Variants in RASSF5 observed in about 807,000 individuals in gnomAD.
The protein encoded by RASSF5 is Ras association domain family member 5.
A neutral mutation model predicts 40.5 loss-of-function variants in RASSF5; 25 were observed. That is an observed-to-expected ratio of 0.62 (90% CI 0.45 to 0.86). The LOEUF is 0.86. RASSF5 is among the 40% of genes least tolerant of loss of function. The pLI, the probability that RASSF5 is intolerant of heterozygous loss-of-function variation, is 0.00. For synonymous variants in RASSF5, 246 were observed against 252.4 expected, an observed-to-expected ratio of 0.97 and a Z score of 0.24; for missense variants, 521 against 572.8, an observed-to-expected ratio of 0.91 and a Z score of 0.92.
chr1:206,513,914 G>A lies in RASSF5; in HGVS notation c.457+5855G>A, dbSNP rs1666682960. 6.6e-6 allele frequency among the ~76,000 whole-genome samples: 1 copy of A among 152,206 alleles called. No individual in the cohort carries two copies. Among genetic ancestry groups the A allele is most frequent in the Non-Finnish European group, 1.5e-5 (1 of 68,034 alleles). On this transcript the variant is annotated intron_variant, in intron 1 of 5. Coordinates refer to ENST00000579436, the MANE Select transcript of RASSF5 (RefSeq NM_182663.4). This position sits in a 1 kb window ranked among gnomAD's most constrained non-coding sequence, Gnocchi z 5.0. The stretch of plus-strand genomic sequence containing the variant: ...CAGTCATGGGTTGCCCCACCCCAAG[G>A]TCAAGACTATCTTGACTCACACCTG...
In RASSF5 at chr1:206,541,516, T is replaced by A. The variant is rs552735904; in HGVS notation, c.579+3223T>A. Among the ~76,000 whole-genome samples the A allele has an allele frequency of 2.2e-3, 337 of 152,296 alleles. 4 individuals carry two copies. Among genetic ancestry groups the A allele is most frequent in the African/African-American group, 7.9e-3 (329 of 41,554 alleles). ...GGCATCAGAAACCGAGGAAGGCCGC[T>A]GGGAGCTGTCTGTGCTTTTGTCAAC... On this transcript the variant is annotated intron_variant, in intron 2 of 5. Transcript: ENST00000579436.
chr1:206,508,950 G>T (rs1176948458), intron 1 of RASSF5, among the ~76,000 whole-genome samples: 1 of 152,136 alleles, frequency 6.6e-6, no homozygotes, highest in Non-Finnish European at 1.5e-5. Flanking sequence ...ACAGTTAGGG[G>T]TGTGTATGCC....
rs1553407114 is a variant in RASSF5, at chr1:206,584,519, G to A, written c.823G>A (p.Asp275Asn). 6 of 1,614,114 alleles carry A rather than the reference G, an allele frequency of 3.7e-6. No individual in the cohort carries two copies. The African/African-American group carries it at 6.7e-5, about 18-fold the overall frequency. The stretch of plus-strand genomic sequence containing the variant: ...GGAGGTGAACCTGGCGGCTACCACG[G>A]ACAAGCGGACATCCTTCTACCTGCC... ...IKEVNLAATT[D>N]KRTSFYLPLD... Residue 275 changes from aspartate to asparagine, a missense_variant, in exon 4 of 6, where the codon GAC (aspartate) becomes AAC (asparagine). Physicochemically the swap from Asp to Asn is conservative, Grantham distance 23. Around this residue, in one of 2 missense-constraint regions of RASSF5, gnomAD observed 284 missense variants for 360.8 expected, o/e 0.79. Transcript: ENST00000579436. The surrounding 1 kb of genome is among the most constrained non-coding windows in gnomAD (Gnocchi z 4.9).
rs782667984 is a variant in RASSF5, at chr1:206,587,231, C to G, written c.*253C>G. 47 of 442,562 alleles carry G rather than the reference C, an allele frequency of 1.1e-4. No individual in the cohort carries two copies. Among genetic ancestry groups the G allele is most frequent in the Admixed American group, 5.9e-4 (17 of 28,702 alleles). The allele number at this position is 442,562 out of a possible 1,614,324, so 27.4% of individuals were successfully genotyped here. On this transcript the variant is annotated 3_prime_UTR_variant, in exon 6 of 6. Coordinates refer to ENST00000579436, the MANE Select transcript of RASSF5 (RefSeq NM_182663.4). ...TCATGTGAAACAAACAGCTGACGTC[C>G]TCTCTCGATCTGCAAGCCTTTCACC...
At position 206,552,801 on chromosome 1, in the gene RASSF5, A is replaced by G. The variant is rs2103534859; in HGVS notation, c.579+14508A>G. On this transcript the variant is annotated intron_variant, in intron 2 of 5. Transcript: ENST00000579436. The surrounding 1 kb of genome is among the most constrained non-coding windows in gnomAD (Gnocchi z 4.1). ...AACTTTCATTCAGTAACTTTAGTAG[A>G]CCGTCTTATTCAATGTTGTTCTCAC... Among the ~76,000 whole-genome samples the G allele has an allele frequency of 6.6e-6, 1 of 152,306 alleles. No individual in the cohort carries two copies. The highest frequency in any genetic ancestry group is 1.9e-4 in the East Asian group (1 of 5,186).
chr1:206,557,237 G>T (rs1668014807), intron 2 of RASSF5: 3 of 1,103,342 alleles, frequency 2.7e-6, no homozygotes, highest in Non-Finnish European at 3.3e-6. Flanking sequence ...CTGCACGGCG[G>T]CGGAGGGAGG....
At chr1:206,537,047 G>A (rs1413439266) in intron 1 of RASSF5, among the ~76,000 whole-genome samples, 5 of 150,218 alleles carry the variant, frequency 3.3e-5, no homozygotes, top group South Asian at 2.1e-4. Context: ...CCCTTCCCTC[G>A]CCTCCCTGAG....
intron 1 of RASSF5, among the ~76,000 whole-genome samples, chr1:206,523,304 A>C (rs1666955293): frequency 7.0e-6 from 1 of 142,162 alleles, no homozygotes; most frequent in Non-Finnish European, 1.5e-5. Flanking sequence ...ACTTTGTCTC[A>C]AAAAAAACCC....
chr1:206,532,969 T>A (rs1336502145), intron 1 of RASSF5, among the ~76,000 whole-genome samples: 2 of 152,234 alleles, frequency 1.3e-5, no homozygotes, highest in Admixed American at 1.3e-4. Context: ...TGCATGTGTG[T>A]GCCTCTGTGT....
intron 2 of RASSF5, among the ~76,000 whole-genome samples, chr1:206,541,385 G>A (rs1553399350): frequency 6.6e-6 from 1 of 152,160 alleles, no homozygotes; most frequent in Non-Finnish European, 1.5e-5. Context: ...TCTTGTCTCT[G>A]CCATGCCACA....
chr1:206,563,691 A>C (rs1221652665), intron 2 of RASSF5, among the ~76,000 whole-genome samples: 5 of 152,200 alleles, frequency 3.3e-5, no homozygotes, highest in African/African-American at 1.2e-4. Flanking sequence ...ATATGCTGCA[A>C]TCTAGGAACC....
At chr1:206,571,834 A>G (rs548139783) in intron 2 of RASSF5, among the ~76,000 whole-genome samples, 2 of 152,324 alleles carry the variant, frequency 1.3e-5, no homozygotes, top group African/African-American at 4.8e-5. Flanking sequence ...CTGGAAATCC[A>G]AGGAGGAAAA....
chr1:206,563,173 G>T (rs1553402921), intron 2 of RASSF5, among the ~76,000 whole-genome samples: 1 of 152,160 alleles, frequency 6.6e-6, no homozygotes, highest in East Asian at 1.9e-4. Context: ...CGGGCCATTG[G>T]CTGGAACTCA....
In RASSF5 at chr1:206,531,993, A is replaced by G. The variant is rs1301318127; in HGVS notation, c.458-6179A>G. On this transcript the variant is annotated intron_variant, in intron 1 of 5. Transcript: ENST00000579436. The surrounding 1 kb of genome is among the most constrained non-coding windows in gnomAD (Gnocchi z 4.7). ...CGTGAACCCGGGAGGCGGAGCTTGC[A>G]GTGAGCCAAGTTCACGCCACTGCAC... 6.6e-6 allele frequency among the ~76,000 whole-genome samples: 1 copy of G among 152,050 alleles called. No individual in the cohort carries two copies. Among genetic ancestry groups the G allele is most frequent in the East Asian group, 1.9e-4 (1 of 5,192 alleles).
chr1:206,584,947 T>C lies in RASSF5; in HGVS notation c.989-233T>C. The C allele has an allele frequency of 1.6e-6, 1 of 606,120 alleles. No individual in the cohort carries two copies. The highest frequency in any genetic ancestry group is 2.7e-5 in the East Asian group (1 of 36,476). The allele number at this position is 606,120 out of a possible 1,614,324, so 37.5% of individuals were successfully genotyped here. A position where few individuals can be genotyped will look rare whatever the true frequency, so the allele number is the denominator to read the frequency against. On this transcript the variant is annotated intron_variant, in intron 4 of 5. Coordinates refer to ENST00000579436, the MANE Select transcript of RASSF5 (RefSeq NM_182663.4). This position sits in a 1 kb window ranked among gnomAD's most constrained non-coding sequence, Gnocchi z 4.9. ...GCAATGGGAGGAATCTGCCCCACCA[T>C]TCCTAATCTTTCAGGAGATGATGTG...
At chr1:206,568,072 GC>G (rs1286282943) in intron 2 of RASSF5, among the ~76,000 whole-genome samples, 1 of 152,130 alleles carries the variant, frequency 6.6e-6, no homozygotes, top group African/African-American at 2.4e-5. Flanking sequence ...CACAAAGGAT[GC>G]CCACAAATGC....
chr1:206,581,672 G>GGAAAGAAAGAAA (rs139599723), intron 2 of RASSF5, among the ~76,000 whole-genome samples: 2 of 151,288 alleles, frequency 1.3e-5, no homozygotes, highest in African/African-American at 4.9e-5. Context: ...AAGGAAGGAA[G>GGAAAGAAAGAAA]GAAAGAAAGA....
In RASSF5 at chr1:206,581,672, G is replaced by GAAAAGAAAGAAA. The variant is rs1553406365; in HGVS notation, c.580-1597_580-1596insAAAAGAAAGAAA. Among the ~76,000 whole-genome samples the GAAAAGAAAGAAA allele has an allele frequency of 3.6e-3, 546 of 151,402 alleles. 4 individuals are homozygous for GAAAAGAAAGAAA. Among genetic ancestry groups the GAAAAGAAAGAAA allele is most frequent in the African/African-American group, 0.013 (515 of 41,122 alleles). ...GAGAGAAAGAAAAGGAAGGAAGGAA[G>GAAAAGAAAGAAA]GAAAGAAAGAAAGGAGGATGTCAGC... On this transcript the variant is annotated intron_variant, in intron 2 of 5. Transcript: ENST00000579436.
chr1:206,562,659 G>T (rs563036633), intron 2 of RASSF5, among the ~76,000 whole-genome samples: 3 of 152,166 alleles, frequency 2.0e-5, no homozygotes, highest in African/African-American at 7.2e-5. Flanking sequence ...TTGGCCGGGC[G>T]TGGTGGCTCA....
Sources: allele counts gnomAD v4.1 joint callset (sites outside exome capture counted in the v4.1 genomes callset), GRCh38; gene constraint gnomAD v4.1.1; regional missense constraint gnomAD v4.1.1; non-coding constraint Gnocchi (gnomAD v3.1); transcripts MANE v1.5; gene names NCBI Gene and HGNC (gene_info 2026-07-23, HGNC 2026-07-21).